The following HMBOX1 variants were observed in gnomAD, a reference collection of about 807,000 sequenced individuals.
The protein encoded by HMBOX1 is homeobox-containing protein 1.
HMBOX1 carries 14 observed loss-of-function variants against 54.5 expected under a neutral mutation model. The observed-to-expected ratio is 0.26, with a 90% CI of 0.17 to 0.40. The LOEUF (loss-of-function observed/expected upper bound fraction) is 0.40. HMBOX1 is among the 10% of genes least tolerant of loss of function. The pLI is 1.00. For missense variants in HMBOX1, 332 were observed against 514.4 expected (o/e 0.65, Z 3.43); for synonymous variants, 160 against 181.0 (o/e 0.88, Z 0.93).
At chr8:28,927,294 T>A (rs751370846) in intron 1 of HMBOX1, among the ~76,000 whole-genome samples, 4 of 151,948 alleles carry the variant, frequency 2.6e-5, no homozygotes, top group African/African-American at 4.8e-5. Flanking sequence ...AAAAGAAAAA[T>A]ATATATTTTA....
intron 4 of HMBOX1, among the ~76,000 whole-genome samples, chr8:28,981,827 G>A (rs1032236214): frequency 3.9e-5 from 6 of 152,152 alleles, no homozygotes; most frequent in Non-Finnish European, 5.9e-5. Context: ...ATTAAATATA[G>A]TATTGCCTTT....
intron 1 of HMBOX1, among the ~76,000 whole-genome samples, chr8:28,941,956 T>G (rs1294628521): frequency 2.6e-5 from 4 of 152,162 alleles, no homozygotes; most frequent in Admixed American, 2.6e-4. Context: ...TGACATGTGT[T>G]CAAGAACAGA....
At chr8:28,977,165 A>G (rs1480231595) in intron 3 of HMBOX1, among the ~76,000 whole-genome samples, 1 of 152,148 alleles carries the variant, frequency 6.6e-6, no homozygotes, top group Admixed American at 6.5e-5. Flanking sequence ...CAAACTGGAT[A>G]TTTCCTATTT....
intron 1 of HMBOX1, among the ~76,000 whole-genome samples, chr8:28,894,970 G>C (rs1279640217): frequency 6.6e-6 from 1 of 150,548 alleles, no homozygotes; most frequent in Non-Finnish European, 1.5e-5. Context: ...ACAATAGTCT[G>C]ATTTTAGCTT....
At chr8:28,896,583 C>T (rs1374973307) in intron 1 of HMBOX1, among the ~76,000 whole-genome samples, 3 of 148,756 alleles carry the variant, frequency 2.0e-5, no homozygotes, top group East Asian at 1.9e-4. Flanking sequence ...CAGTCAAAAA[C>T]GGACTGAATA....
chr8:28,897,315 A>T (rs1387107127), intron 1 of HMBOX1, among the ~76,000 whole-genome samples: 1 of 151,708 alleles, frequency 6.6e-6, no homozygotes, highest in Admixed American at 6.6e-5. Context: ...TTATAATATT[A>T]GGACCCATTA....
intron 1 of HMBOX1, 105 bp from the exon 2 acceptor site, chr8:28,963,706 A>C (rs1825977322): frequency 1.9e-6 from 1 of 520,078 alleles, no homozygotes; most frequent in Non-Finnish European, 3.5e-6. Context: ...ATTTAACATG[A>C]TTAGCTAGTG....
intron 6 of HMBOX1, among the ~76,000 whole-genome samples, chr8:29,043,841 T>C (rs571617173): frequency 1.6e-4 from 24 of 152,246 alleles, no homozygotes; most frequent in Admixed American, 5.2e-4. Flanking sequence ...GAAGCAATTA[T>C]GAGGGTAGTG....
chr8:29,003,327 A>G (rs1358963808), intron 4 of HMBOX1, among the ~76,000 whole-genome samples: 1 of 151,780 alleles, frequency 6.6e-6, no homozygotes, highest in Admixed American at 6.6e-5. Context: ...ATCGAATAAT[A>G]GGTTCATGTT....
At chr8:29,001,910 C>CT (rs1404645280) in intron 4 of HMBOX1, among the ~76,000 whole-genome samples, 1 of 152,152 alleles carries the variant, frequency 6.6e-6, no homozygotes. Flanking sequence ...TGCTGACTGT[C>CT]TAAAAATATG....
At chr8:28,980,944 T>G (rs1829236368) in intron 4 of HMBOX1, among the ~76,000 whole-genome samples, 1 of 152,152 alleles carries the variant, frequency 6.6e-6, no homozygotes, top group Non-Finnish European at 1.5e-5. Flanking sequence ...CTCCCCTCCT[T>G]TTGTTAACAT....
chr8:28,984,508 T>C (rs1829892691), intron 4 of HMBOX1, among the ~76,000 whole-genome samples: 1 of 152,196 alleles, frequency 6.6e-6, no homozygotes, highest in Non-Finnish European at 1.5e-5. Flanking sequence ...ATAAATAATA[T>C]CCTACTGATA....
chr8:28,926,316 C>G (rs1818489735), intron 1 of HMBOX1, among the ~76,000 whole-genome samples: 1 of 151,190 alleles, frequency 6.6e-6, no homozygotes, highest in Non-Finnish European at 1.5e-5. Context: ...CACACACACA[C>G]ACACACATAT....
At chr8:28,950,509 A>G (rs1216130371) in intron 1 of HMBOX1, among the ~76,000 whole-genome samples, 2 of 152,234 alleles carry the variant, frequency 1.3e-5, no homozygotes, top group East Asian at 1.9e-4. Context: ...GGAATGCTAA[A>G]TGTAGTATAT....
chr8:29,045,194 C>G (rs574226695), intron 6 of HMBOX1, among the ~76,000 whole-genome samples, 167 bp from the exon 7 acceptor site: 1 of 152,326 alleles, frequency 6.6e-6, no homozygotes, highest in South Asian at 2.1e-4. Flanking sequence ...GGCTACCATA[C>G]TGGACAGCAT....
intron 3 of HMBOX1, among the ~76,000 whole-genome samples, chr8:28,978,018 A>G (rs1000945678): frequency 2.0e-5 from 3 of 152,206 alleles, no homozygotes; most frequent in African/African-American, 7.2e-5. Flanking sequence ...TCTAACCAGA[A>G]TCTAGATCAG....
At chr8:28,977,735 TC>T (rs1467548540) in intron 3 of HMBOX1, among the ~76,000 whole-genome samples, 5 of 151,748 alleles carry the variant, frequency 3.3e-5, no homozygotes, top group African/African-American at 7.3e-5. Flanking sequence ...GGTCAGGAGA[TC>T]AAGACCATCC....
intron 4 of HMBOX1, among the ~76,000 whole-genome samples, chr8:28,984,931 G>A (rs949192409): frequency 6.6e-6 from 1 of 152,052 alleles, no homozygotes; most frequent in Non-Finnish European, 1.5e-5. Flanking sequence ...GAAAAAAACA[G>A]CGCCTCTGAA....
At chr8:29,047,813 C>T (rs979337809) in intron 8 of HMBOX1, among the ~76,000 whole-genome samples, 9 of 152,100 alleles carry the variant, frequency 5.9e-5, no homozygotes, top group Non-Finnish European at 7.4e-5. Context: ...GTGATCCGTC[C>T]GCCTCGGCCT....
Sources: allele counts gnomAD v4.1 joint callset (sites outside exome capture counted in the v4.1 genomes callset), GRCh38; gene constraint gnomAD v4.1.1; transcripts MANE v1.5; gene names NCBI Gene and HGNC (gene_info 2026-07-23, HGNC 2026-07-21).